The following FSIP1 variants were observed in gnomAD, a reference collection of about 807,000 sequenced individuals.
FSIP1 encodes the protein fibrous sheath interacting protein 1.
A neutral mutation model predicts 60.9 loss-of-function variants in FSIP1; 65 were observed. The observed-to-expected ratio is 1.07, with a 90% confidence interval of 0.87 to 1.31. The LOEUF is 1.31. Ranked by LOEUF, FSIP1 falls within the 40% of genes most tolerant of loss-of-function variation. The pLI is 0.00. For synonymous variants in FSIP1, 209 were observed against 221.2 expected (o/e 0.94, Z 0.49); for missense variants, 675 against 665.5 (o/e 1.01, Z -0.16).
At chr15:39,672,738 G>A (rs1374488480) in intron 10 of FSIP1, among the ~76,000 whole-genome samples, 2 of 152,284 alleles carry the variant, frequency 1.3e-5, no homozygotes, top group East Asian at 3.9e-4. Flanking sequence ...AGACCACATA[G>A]CTGGTAAGGA....
chr15:39,758,766 C>T (rs1445917956), intron 5 of FSIP1, among the ~76,000 whole-genome samples: 1 of 151,914 alleles, frequency 6.6e-6, no homozygotes, highest in Admixed American at 6.6e-5. Context: ...CCATGTTATT[C>T]CAAAATACTG....
chr15:39,730,291 T>G (rs191578777), intron 8 of FSIP1, among the ~76,000 whole-genome samples: 1 of 152,210 alleles, frequency 6.6e-6, no homozygotes, highest in Non-Finnish European at 1.5e-5. Context: ...AATATGTTTA[T>G]GTGAAATTCA....
At chr15:39,720,114 C>T (rs774534051) in intron 9 of FSIP1, among the ~76,000 whole-genome samples, 6 of 152,192 alleles carry the variant, frequency 3.9e-5, no homozygotes, top group Non-Finnish European at 8.8e-5. Flanking sequence ...CAAGTAGAGT[C>T]CATGGCCCTT....
chr15:39,656,653 T>C lies in FSIP1; in HGVS notation c.1189-38408A>G, dbSNP rs183884210. On this transcript the variant is annotated intron_variant, in intron 10 of 11. Coordinates refer to ENST00000350221, the MANE Select transcript of FSIP1 (RefSeq NM_152597.5). Reference sequence around the variant, plus strand: ...GTTTTTGTAAGAATCAAAACAATTATGTGGAAAGCACTCTGTTACCCATGA... The same window carrying C: ...GTTTTTGTAAGAATCAAAACAATTACGTGGAAAGCACTCTGTTACCCATGA... Among the ~76,000 whole-genome samples the C allele has an allele frequency of 2.0e-5, 3 of 152,350 alleles. No homozygotes were observed. The East Asian group carries it at 5.8e-4, about 29-fold the overall frequency.
At chr15:39,646,933 G>T (rs886603294) in intron 10 of FSIP1, among the ~76,000 whole-genome samples, 1 of 152,110 alleles carries the variant, frequency 6.6e-6, no homozygotes, top group African/African-American at 2.4e-5. Context: ...GAATGAACAT[G>T]GATGACATTA....
intron 11 of FSIP1, among the ~76,000 whole-genome samples, chr15:39,606,557 C>T (rs1197030796): frequency 6.6e-6 from 1 of 152,120 alleles, no homozygotes; most frequent in Non-Finnish European, 1.5e-5. Context: ...AGAACTTATT[C>T]CTCCTATAAA....
intron 10 of FSIP1, among the ~76,000 whole-genome samples, chr15:39,662,709 C>T (rs1428910081): frequency 2.0e-5 from 2 of 101,748 alleles, no homozygotes; most frequent in East Asian, 2.2e-4. Context: ...GAAAAACCCA[C>T]TAAGTCACTG....
At chr15:39,733,323 G>A (rs1025407655) in intron 8 of FSIP1, among the ~76,000 whole-genome samples, 21 of 152,168 alleles carry the variant, frequency 1.4e-4, no homozygotes, top group South Asian at 8.3e-4. Flanking sequence ...GAGCCACCAC[G>A]CTGGGCCTAA....
intron 10 of FSIP1, among the ~76,000 whole-genome samples, chr15:39,626,102 T>G (rs1339991690): frequency 6.6e-6 from 1 of 152,214 alleles, no homozygotes; most frequent in Non-Finnish European, 1.5e-5. Flanking sequence ...AGATTAAACC[T>G]CACCCTCTTG....
intron 10 of FSIP1, among the ~76,000 whole-genome samples, chr15:39,676,707 C>T (rs1893957372): frequency 2.6e-5 from 4 of 152,142 alleles, no homozygotes; most frequent in African/African-American, 9.7e-5. Flanking sequence ...GAGATGTAGC[C>T]ACTCAGCCTA....
At position 39,749,263 on chromosome 15, in the gene FSIP1, C is replaced by CAAA. The variant is rs3065148; in HGVS notation, c.560-7366_560-7364dup. 2.7e-4 allele frequency among the ~76,000 whole-genome samples: 27 copies of CAAA among 98,320 alleles called. 1 individual carries two copies. The highest frequency in any genetic ancestry group is 7.7e-4 in the East Asian group (3 of 3,916). The allele number at this position is 98,320 out of a possible 152,430, so 64.5% of individuals were successfully genotyped here. On this transcript the variant is annotated intron_variant, in intron 5 of 11. Transcript: ENST00000350221. The stretch of plus-strand genomic sequence containing the variant: ...AATACCAATACTTCTTAAACTCTTC[C>CAAA]AAAAAAAAAAAAACCAGGCTAGAGG...
At chr15:39,655,751 G>T (rs1178785054) in intron 10 of FSIP1, among the ~76,000 whole-genome samples, 4 of 152,116 alleles carry the variant, frequency 2.6e-5, no homozygotes, top group Non-Finnish European at 5.9e-5. Context: ...TGGGAGGAAG[G>T]TGCGTGGGTC....
intron 10 of FSIP1, among the ~76,000 whole-genome samples, chr15:39,674,592 C>A (rs532083359): frequency 6.6e-6 from 1 of 151,400 alleles, no homozygotes; most frequent in South Asian, 2.1e-4. Flanking sequence ...AAAAATCCCA[C>A]ACATATGCAT....
At chr15:39,711,679 T>TC (rs1483638449) in intron 10 of FSIP1, among the ~76,000 whole-genome samples, 2 of 128,318 alleles carry the variant, frequency 1.6e-5, no homozygotes, top group African/African-American at 3.0e-5. Context: ...CCTACTTCTT[T>TC]TTTTTTTTTT....
At chr15:39,727,237 C>G (rs1436435346) in intron 8 of FSIP1, among the ~76,000 whole-genome samples, 1 of 152,182 alleles carries the variant, frequency 6.6e-6, no homozygotes, top group African/African-American at 2.4e-5. Context: ...CTCATCAAAC[C>G]CATTCATTAC....
chr15:39,738,113 T>C lies in FSIP1; in HGVS notation c.869A>G (p.Asp290Gly), dbSNP rs764611579. 4 of 1,612,074 alleles carry C rather than the reference T, an allele frequency of 2.5e-6. No individual in the cohort carries two copies. The highest frequency in any genetic ancestry group is 2.2e-5 in the East Asian group (1 of 44,846). ...VELLKDLDEK[D>G]SGLSSSEGDQ... ...TACCTCAGAACTGGAGAGCCCGGAA[T>C]CTTTCTCATCCAAGTCCTTCAAAAG... is the stretch of plus-strand genomic sequence containing the variant. Residue 290 changes from aspartate to glycine, a missense_variant, in exon 8 of 12, where the codon GAT becomes GGT. Asp to Gly is a moderately conservative substitution (Grantham distance 94, BLOSUM62 -1). Transcript: ENST00000350221.
At chr15:39,674,322 A>G (rs568667204) in intron 10 of FSIP1, among the ~76,000 whole-genome samples, 96 of 152,278 alleles carry the variant, frequency 6.3e-4, no homozygotes, top group East Asian at 3.7e-3. Context: ...CCAAAGTGCT[A>G]GGATTACAGG....
intron 10 of FSIP1, among the ~76,000 whole-genome samples, chr15:39,637,349 G>A (rs1413263550): frequency 1.3e-5 from 2 of 152,182 alleles, no homozygotes; most frequent in Non-Finnish European, 2.9e-5. Flanking sequence ...CATAATCATT[G>A]AGAAGGCTAT....
intron 10 of FSIP1, among the ~76,000 whole-genome samples, chr15:39,636,107 G>A (rs530995818): frequency 6.6e-6 from 1 of 152,200 alleles, no homozygotes; most frequent in Non-Finnish European, 1.5e-5. Context: ...TGCTCTTATA[G>A]TAGTACGTGA....
Sources: allele counts gnomAD v4.1 joint callset (sites outside exome capture counted in the v4.1 genomes callset), GRCh38; gene constraint gnomAD v4.1.1; transcripts MANE v1.5; gene names NCBI Gene and HGNC (gene_info 2026-07-23, HGNC 2026-07-21).